ESR1: variants seen among roughly 807,000 people sequenced by gnomAD.
The protein encoded by ESR1 is estrogen receptor 1.
A neutral mutation model predicts 52.7 loss-of-function variants in ESR1; 12 were observed. That is an observed-to-expected ratio of 0.23 (90% CI 0.15 to 0.37). The LOEUF (loss-of-function observed/expected upper bound fraction) is 0.37. ESR1 is among the 10% of genes least tolerant of loss of function. The pLI is 1.00. For synonymous variants in ESR1, 305 were observed against 316.8 expected, an observed-to-expected ratio of 0.96 and a Z score of 0.39; for missense variants, 584 against 779.7, an observed-to-expected ratio of 0.75 and a Z score of 2.99.
chr6:152,040,947 T>C (rs4479948), intron 5 of ESR1, among the ~76,000 whole-genome samples: 41 of 152,294 alleles, frequency 2.7e-4, no homozygotes, highest in African/African-American at 9.9e-4. Flanking sequence ...ACCACTTCCA[T>C]TTGATGATGG....
chr6:151,941,995 T>C (rs182500451), intron 3 of ESR1, among the ~76,000 whole-genome samples: 1 of 152,310 alleles, frequency 6.6e-6, no homozygotes, highest in East Asian at 1.9e-4. Flanking sequence ...TCATGTCTCC[T>C]TACCCTTCTT....
chr6:151,923,695 TTATC>T (rs1470389254), intron 3 of ESR1, among the ~76,000 whole-genome samples: 1 of 152,232 alleles, frequency 6.6e-6, no homozygotes, highest in African/African-American at 2.4e-5. Context: ...ATACTTTTAT[TTATC>T]CACTCACTGG....
At chr6:151,934,844 T>C (rs1278916146) in intron 3 of ESR1, among the ~76,000 whole-genome samples, 6 of 152,240 alleles carry the variant, frequency 3.9e-5, no homozygotes, top group African/African-American at 7.2e-5. Context: ...TACAGAATCA[T>C]GATCATATCC....
chr6:151,823,953 G>A (rs1781033593), intron 1 of ESR1, among the ~76,000 whole-genome samples: 2 of 152,114 alleles, frequency 1.3e-5, no homozygotes, highest in Admixed American at 6.5e-5. Context: ...TGTCTTTATA[G>A]CAGCATGATT....
chr6:152,032,630 A>G (rs11155828), intron 5 of ESR1, among the ~76,000 whole-genome samples: 59,597 of 151,950 alleles, frequency 0.39, 13,856 homozygotes, highest in African/African-American at 0.65. Flanking sequence ...ACTGCTCAAC[A>G]AAATAAAAGA....
chr6:151,878,373 A>G (rs116365253), intron 2 of ESR1, among the ~76,000 whole-genome samples: 1,587 of 152,306 alleles, frequency 0.01, 36 homozygotes, highest in African/African-American at 0.036. Context: ...TTACAGGTTT[A>G]TAACTCTGCT....
intron 3 of ESR1, among the ~76,000 whole-genome samples, chr6:151,926,416 GTTAA>G (rs1227757201): frequency 6.7e-6 from 1 of 150,020 alleles, no homozygotes; most frequent in Non-Finnish European, 1.5e-5. Flanking sequence ...CTCTGAATCT[GTTAA>G]TTAAGTTGGG....
chr6:151,785,733 C>T (rs775451973), intron 2 of ESR1, among the ~76,000 whole-genome samples: 1 of 152,162 alleles, frequency 6.6e-6, no homozygotes, highest in South Asian at 2.1e-4. Context: ...CCCATTAGAA[C>T]CTCAGTTTTC....
chr6:151,848,469 A>G (rs1350405140), intron 2 of ESR1, among the ~76,000 whole-genome samples: 2 of 125,164 alleles, frequency 1.6e-5, no homozygotes, highest in Non-Finnish European at 1.7e-5. Flanking sequence ...ACTAAAACTT[A>G]GAGTATAATA....
intron 4 of ESR1, among the ~76,000 whole-genome samples, chr6:151,966,088 G>A (rs1205001383): frequency 6.6e-6 from 1 of 151,908 alleles, no homozygotes; most frequent in Non-Finnish European, 1.5e-5. Context: ...TTTCAGAATC[G>A]ATATGTACTG....
intron 6 of ESR1, among the ~76,000 whole-genome samples, chr6:152,089,282 G>T (rs2049990937): frequency 6.6e-6 from 1 of 152,128 alleles, no homozygotes; most frequent in Non-Finnish European, 1.5e-5. Context: ...ATATTTCATT[G>T]ATGTGTACTA....
intron 5 of ESR1, among the ~76,000 whole-genome samples, chr6:152,052,319 G>A (rs1269193282): frequency 2.0e-5 from 3 of 152,254 alleles, no homozygotes; most frequent in Admixed American, 2.0e-4. Flanking sequence ...TGTGAGATTT[G>A]GAGGGAACAC....
At chr6:151,915,216 A>G (rs1042679842) in intron 3 of ESR1, among the ~76,000 whole-genome samples, 1 of 152,086 alleles carries the variant, frequency 6.6e-6, no homozygotes, top group Non-Finnish European at 1.5e-5. Flanking sequence ...GGTGAAATGA[A>G]AAACAAAAAA....
At chr6:151,694,575 G>A (rs1171018980) in intron 1 of ESR1, among the ~76,000 whole-genome samples, 3 of 152,130 alleles carry the variant, frequency 2.0e-5, no homozygotes, top group East Asian at 1.9e-4. Flanking sequence ...ATCACCTGAG[G>A]TCAAGAGTTC....
At chr6:151,743,922 C>T (rs1783291794) in intron 2 of ESR1, among the ~76,000 whole-genome samples, 1 of 152,070 alleles carries the variant, frequency 6.6e-6, no homozygotes, top group Non-Finnish European at 1.5e-5. Flanking sequence ...TCCCATTTCC[C>T]CGGCCCCTGA....
In ESR1 at chr6:151,732,221, T is replaced by C. The variant is rs111242044; in HGVS notation, c.-71+30216T>C. 4.4e-3 allele frequency among the ~76,000 whole-genome samples: 674 copies of C among 152,292 alleles called. 3 individuals are homozygous for C. The highest frequency in any genetic ancestry group is 0.015 in the African/African-American group (634 of 41,556). ...TAAAATTGCCACTATAAATAGCCAG[T>C]CAAGTTCATAGGGCATGAGTCTCAT... On this transcript the variant is annotated intron_variant, in intron 2 of 2. Coordinates refer to the ESR1 transcript ENST00000404742.
chr6:151,993,491 G>T (rs965593091), intron 4 of ESR1, among the ~76,000 whole-genome samples: 1 of 152,106 alleles, frequency 6.6e-6, no homozygotes, highest in South Asian at 2.1e-4. Context: ...AAGCCACAAA[G>T]AAAACAAGTC....
intron 2 of ESR1, among the ~76,000 whole-genome samples, chr6:151,862,333 T>C (rs1376687990): frequency 6.6e-6 from 1 of 152,122 alleles, no homozygotes; most frequent in East Asian, 1.9e-4. Context: ...GTGAGGAGTG[T>C]CACCTGATAA....
At chr6:151,743,242 C>T (rs947521641) in intron 2 of ESR1, among the ~76,000 whole-genome samples, 5 of 152,036 alleles carry the variant, frequency 3.3e-5, no homozygotes, top group Non-Finnish European at 5.9e-5. Context: ...CCTGCAAGGG[C>T]ATGTAGGGCT....
Sources: allele counts gnomAD v4.1 joint callset (sites outside exome capture counted in the v4.1 genomes callset), GRCh38; gene constraint gnomAD v4.1.1; transcripts MANE v1.5; gene names NCBI Gene and HGNC (gene_info 2026-07-23, HGNC 2026-07-21).